PCSK5: variants seen among roughly 807,000 people sequenced by gnomAD.
The protein encoded by PCSK5 is proprotein convertase subtilisin/kexin type 5, also known as prohormone convertase 5.
In PCSK5, 129 loss-of-function variants were observed where a neutral mutation model predicts 233.2. The ratio of observed to expected loss-of-function variants is 0.55; its 90% confidence interval spans 0.48 to 0.64. PCSK5 has a LOEUF of 0.64. Among genes scored for constraint, PCSK5 ranks in the 30% least tolerant of loss-of-function variants. The probability of loss-of-function intolerance (pLI) is 0.00; values close to 1 mark genes in which losing one functional copy is unlikely to be tolerated. For missense variants in PCSK5, 2,076 were observed against 2,430.1 expected, an observed-to-expected ratio of 0.85 and a Z score of 3.06; for synonymous variants, 825 against 879.2, an observed-to-expected ratio of 0.94 and a Z score of 1.09.
chr9:76,283,802 A>G (rs979880183), intron 24 of PCSK5, among the ~76,000 whole-genome samples: 6 of 152,214 alleles, frequency 3.9e-5, no homozygotes, highest in African/African-American at 1.4e-4. Context: ...ATGGAATCTA[A>G]TCATATCATT....
chr9:76,195,018 C>T (rs1824621513), intron 20 of PCSK5: 1 of 180,028 alleles, frequency 5.6e-6, no homozygotes. Context: ...TCAAAGATAA[C>T]TTACAACCCA....
At chr9:75,890,395 G>A (rs1205139101), upstream of PCSK5, among the ~76,000 whole-genome samples, 1 of 152,150 alleles carries the variant, frequency 6.6e-6, no homozygotes, top group Non-Finnish European at 1.5e-5. Flanking sequence ...TCGGGAAGTG[G>A]CGGTAAATTC....
chr9:76,252,063 C>T lies in PCSK5; in HGVS notation c.3142+11379C>T, dbSNP rs1188839131. On this transcript the variant is annotated intron_variant, in intron 24 of 37. Transcript: ENST00000674117. ...TGGGTGGATCCCAAGGTCAGGAGAT[C>T]GAGACCATCCTCGCTAACACGGTGA... 4.6e-5 allele frequency among the ~76,000 whole-genome samples: 7 copies of T among 152,126 alleles called. No individual in the cohort carries two copies. The East Asian group carries it at 1.2e-3, about 25-fold the overall frequency.
chr9:76,352,616 C>T (rs1483329259), intron 36 of PCSK5, among the ~76,000 whole-genome samples: 2 of 152,106 alleles, frequency 1.3e-5, no homozygotes, highest in Non-Finnish European at 2.9e-5. Context: ...CATCCACCCA[C>T]CTCAGCCTCC....
intron 17 of PCSK5, among the ~76,000 whole-genome samples, 153 bp from the exon 18 acceptor site, chr9:76,188,425 A>G (rs1824205908): frequency 6.6e-6 from 1 of 152,130 alleles, no homozygotes; most frequent in Admixed American, 6.6e-5. Context: ...GAGAAAAAAA[A>G]GGGTACACGG....
At chr9:76,268,704 A>C (rs1025848091) in intron 24 of PCSK5, among the ~76,000 whole-genome samples, 5 of 151,784 alleles carry the variant, frequency 3.3e-5, no homozygotes, top group Non-Finnish European at 5.9e-5. Context: ...AACTAGCCAA[A>C]TGTAGTGGTG....
chr9:76,238,921 AC>A (rs766641246), intron 22 of PCSK5, 37 bp from the exon 23 acceptor site: 2 of 1,437,794 alleles, frequency 1.4e-6, no homozygotes, highest in East Asian at 2.3e-5. Context: ...CTAACTTTGT[AC>A]ATTTTCCCTC....
In PCSK5 at chr9:75,995,674, G is replaced by T. The variant is rs144044808; in HGVS notation, c.411+9429G>T. On this transcript the variant is annotated intron_variant, in intron 3 of 37. Transcript: ENST00000674117. ...AGGACTATTTCTTTAACTTAGGTCT[G>T]TGGGCTAGATGGAGGTCCAATCTGT... is the stretch of plus-strand genomic sequence containing the variant. 8.2e-3 allele frequency among the ~76,000 whole-genome samples: 1,247 copies of T among 151,740 alleles called. 21 individuals are homozygous for T. Among genetic ancestry groups the T allele is most frequent in the Non-Finnish European group, 8.7e-3 (594 of 67,962 alleles).
chr9:76,088,779 C>T (rs1185798635), intron 7 of PCSK5, among the ~76,000 whole-genome samples: 1 of 152,096 alleles, frequency 6.6e-6, no homozygotes, highest in Non-Finnish European at 1.5e-5. Flanking sequence ...ATGCTTTCTC[C>T]CACCAAGTTA....
intron 1 of PCSK5, among the ~76,000 whole-genome samples, chr9:75,907,907 T>C (rs562034936): frequency 2.0e-5 from 3 of 152,316 alleles, no homozygotes; most frequent in African/African-American, 7.2e-5. Context: ...GTCCTCTGTA[T>C]AAAATAAGCT....
At chr9:76,107,091 A>G (rs761044964) in intron 8 of PCSK5, among the ~76,000 whole-genome samples, 160 bp from the exon 9 acceptor site, 12 of 152,224 alleles carry the variant, frequency 7.9e-5, no homozygotes, top group Admixed American at 2.0e-4. Context: ...TACACAGTCA[A>G]TTCTCTGGAA....
chr9:76,068,788 G>T (rs1378410474), intron 6 of PCSK5, among the ~76,000 whole-genome samples: 1 of 152,166 alleles, frequency 6.6e-6, no homozygotes, highest in Non-Finnish European at 1.5e-5. Context: ...GGATCCTCAT[G>T]ATTTTATCAT....
chr9:76,193,428 G>GA (rs368878471), intron 20 of PCSK5: 138,601 of 605,386 alleles, frequency 0.23, 2,728 homozygotes, highest in Non-Finnish European at 0.24. Flanking sequence ...AAGCCAAAAA[G>GA]AAAAAAAAAA....
chr9:76,221,514 G>A (rs1182132974), intron 20 of PCSK5, among the ~76,000 whole-genome samples: 1 of 152,128 alleles, frequency 6.6e-6, no homozygotes, highest in Non-Finnish European at 1.5e-5. Context: ...GTTTATAAAA[G>A]AGGTTTTTGT....
intron 29 of PCSK5, 45 bp from the exon 30 acceptor site, chr9:76,310,611 C>T: frequency 7.7e-7 from 1 of 1,304,812 alleles, no homozygotes; most frequent in Non-Finnish European, 1.0e-6. Context: ...GCATGGAAAA[C>T]CACATGATGA....
chr9:75,901,625 C>CT (rs1285766942), intron 1 of PCSK5, among the ~76,000 whole-genome samples: 1 of 119,802 alleles, frequency 8.3e-6, no homozygotes, highest in African/African-American at 3.4e-5. Context: ...TATCCCAGAA[C>CT]TTAAAAAAAA....
At chr9:76,165,463 CTTACAGT>C (rs973301807) in intron 12 of PCSK5, among the ~76,000 whole-genome samples, 1 of 152,134 alleles carries the variant, frequency 6.6e-6, no homozygotes, top group African/African-American at 2.4e-5. Context: ...GGAAATAAAG[CTTACAGT>C]AATTATGTAA....
chr9:75,960,292 A>G (rs1029495659), intron 2 of PCSK5, among the ~76,000 whole-genome samples: 1 of 152,208 alleles, frequency 6.6e-6, no homozygotes, highest in Admixed American at 6.5e-5. Context: ...GGAGAACTGA[A>G]GGGGAAATAA....
chr9:76,323,212 G>C lies in PCSK5; in HGVS notation c.4263G>C (p.Trp1421Cys). Residue 1421 changes from tryptophan to cysteine, a missense_variant, in exon 32 of 38, where the codon TGG becomes TGC. This residue lies in a region of PCSK5 where 1,510 missense variants were observed against 1,538.1 expected (regional missense o/e 0.98). Transcript: ENST00000674117. ...DDCELCLESS[W>C]VLYDGLCLEE... ...GCGAGCTCTGTCTTGAGAGTTCCTG[G>C]GTCCTCTATGATGGACTGTGCTTGG... is the stretch of plus-strand genomic sequence containing the variant. 6.2e-7 allele frequency: 1 copy of C among 1,612,666 alleles called. No homozygotes were observed. Among genetic ancestry groups the C allele is most frequent in the East Asian group, 2.2e-5 (1 of 44,872 alleles).
Sources: allele counts gnomAD v4.1 joint callset (sites outside exome capture counted in the v4.1 genomes callset), GRCh38; gene constraint gnomAD v4.1.1; regional missense constraint gnomAD v4.1.1; transcripts MANE v1.5; gene names NCBI Gene and HGNC (gene_info 2026-07-23, HGNC 2026-07-21).